Variants in DVL2 observed in about 807,000 individuals in gnomAD.
The protein encoded by DVL2 is dishevelled segment polarity protein 2.
In DVL2, 38 loss-of-function variants were observed where a neutral mutation model predicts 69.8. The ratio of observed to expected loss-of-function variants is 0.54; its 90% CI spans 0.42 to 0.71. DVL2 has a LOEUF of 0.71. Ranked by LOEUF, DVL2 falls within the 30% of genes least tolerant of loss-of-function variation. The pLI is 0.00. For synonymous variants in DVL2, 428 were observed against 392.4 expected (o/e 1.09, Z -1.07); for missense variants, 931 against 1,008.1 (o/e 0.92, Z 1.04).
intron 3 of DVL2, 58 bp from the exon 4 acceptor site, chr17:7,230,213 G>A: frequency 1.9e-6 from 3 of 1,610,838 alleles, no homozygotes; most frequent in Non-Finnish European, 1.7e-6. Context: ...CCGGATCCTA[G>A]GCGTCCCCTA....
Position 7,234,470 on chromosome 17 carries a change from CCGCCGCGCGCCACCGCCACCGA to C in DVL2, c.-230_-209del, listed in dbSNP as rs2071604640. 2 of 574,806 alleles carry C rather than the reference CCGCCGCGCGCCACCGCCACCGA, an allele frequency of 3.5e-6. No individual in the cohort carries two copies. Among genetic ancestry groups the C allele is most frequent in the East Asian group, 3.4e-5 (1 of 29,618 alleles). The allele number at this position is 574,806 out of a possible 1,614,324, so 35.6% of individuals were successfully genotyped here. On this transcript the variant is annotated 5_prime_UTR_variant, in exon 1 of 15. Transcript: ENST00000005340. ...CGACTCAAAGCCCCGGTCTCAGCGG[CCGCCGCGCGCCACCGCCACCGA>C]CGCCGCGAGCTTCCTCCAGGTACCC...
At chr17:7,230,184 A>G (rs757009028) in intron 3 of DVL2, 29 bp from the exon 4 acceptor site, 2 of 1,612,044 alleles carry the variant, frequency 1.2e-6, no homozygotes, top group Non-Finnish European at 1.7e-6. Flanking sequence ...TTTCCAACCC[A>G]CATCAGGAGA....
chr17:7,229,723 C>G lies in DVL2; in HGVS notation c.657-45G>C. 6.4e-7 allele frequency: 1 copy of G among 1,573,750 alleles called. No individual in the cohort carries two copies. On this transcript the variant is annotated intron_variant, in intron 5 of 14. Transcript: ENST00000005340. This position sits in a 1 kb window ranked among gnomAD's most constrained non-coding sequence, Gnocchi z 4.4. ...GAGAGCAAACGTAGGCCAAAGTGGT[C>G]ATGGGGCCAAGAGAAAGAACAAGAG...
At chr17:7,228,132 C>A in intron 9 of DVL2, 88 bp from the exon 10 acceptor site, 1 of 1,118,966 alleles carries the variant, frequency 8.9e-7, no homozygotes, top group East Asian at 2.4e-5. Flanking sequence ...GATTAAGAGA[C>A]ACAAAGAGGG....
rs774854172 is a variant in DVL2 at position 7,226,574 on chromosome 17, C to T, written c.1609G>A (p.Ala537Thr). Reference sequence around the variant, plus strand: ...CAGGGGGTGGCCCCAGGCAGAGGAGCCAGGGTATCCTGGTCTGAAGCCCCA... The same window carrying T: ...CAGGGGGTGGCCCCAGGCAGAGGAGTCAGGGTATCCTGGTCTGAAGCCCCA... ...SSGASDQDTL[A>T]PLPGATPWPL... Residue 537 changes from alanine (A) to threonine (T), a missense_variant, in exon 14 of 15, where the codon GCT (alanine) becomes ACT (threonine). Ala to Thr is a moderately conservative substitution (Grantham distance 58). Transcript: ENST00000005340. The T allele has an allele frequency of 1.2e-5, 19 of 1,606,406 alleles. No individual in the cohort carries two copies. The highest frequency in any genetic ancestry group is 1.6e-5 in the Non-Finnish European group (19 of 1,176,986).
rs574946873 is a variant in DVL2 at position 7,228,352 on chromosome 17, C to A, written c.1035-308G>T. 329 of 217,112 alleles carry A rather than the reference C, an allele frequency of 1.5e-3. 2 individuals are homozygous for A. The highest frequency in any genetic ancestry group is 7.1e-3 in the African/African-American group (308 of 43,400). 13.4% of individuals were successfully genotyped at this position (217,112 alleles called of 1,614,324 possible). On this transcript the variant is annotated intron_variant, in intron 9 of 14. Transcript: ENST00000005340. Reference sequence around the variant, plus strand: ...GATACGTGCAAGGGTGGTAACTATCCAGTGAGGCAAAGCTTTTCTTTGTTA... The same window carrying A: ...GATACGTGCAAGGGTGGTAACTATCAAGTGAGGCAAAGCTTTTCTTTGTTA...
chr17:7,227,206 C>T lies in DVL2; in HGVS notation c.1427G>A (p.Arg476His), dbSNP rs761974845. 8 of 1,611,026 alleles carry T rather than the reference C, an allele frequency of 5.0e-6. No individual in the cohort carries two copies. The highest frequency in any genetic ancestry group is 2.2e-5 in the East Asian group (1 of 44,888). Reference sequence around the variant, plus strand: ...TTTGAGCAGCCCGCTGGCATACTTGCGGGCCTCCCGCCGCTCAGGAAAGCC... The same window carrying T: ...TTTGAGCAGCCCGCTGGCATACTTGTGGGCCTCCCGCCGCTCAGGAAAGCC... ...VEGFPERREA[R>H]KYASGLLKAG... Residue 476 changes from arginine to histidine, a missense_variant, in exon 13 of 15, where the codon CGC (arginine) becomes CAC (histidine). This residue lies in a region of DVL2 where 62 missense variants were observed against 105.7 expected (regional missense o/e 0.59). Coordinates refer to ENST00000005340, the MANE Select transcript of DVL2 (RefSeq NM_004422.3).
At chr17:7,233,773 A>C (rs2071585665) in intron 1 of DVL2, among the ~76,000 whole-genome samples, 1 of 152,174 alleles carries the variant, frequency 6.6e-6, no homozygotes, top group Non-Finnish European at 1.5e-5. Flanking sequence ...ACAATGGATC[A>C]ATTTACTCAG....
At chr17:7,230,261 C>T (rs1230444077) in intron 3 of DVL2, 24 bp downstream of exon 3, 1 of 1,613,906 alleles carries the variant, frequency 6.2e-7, no homozygotes, top group Admixed American at 1.7e-5. Flanking sequence ...CCCTCCCCTG[C>T]AGTCAAGAAT....
chr17:7,229,260 G>T lies in DVL2; in HGVS notation c.832C>A (p.Leu278Met). The T allele has an allele frequency of 6.2e-7, 1 of 1,614,158 alleles. No individual in the cohort carries two copies. The highest frequency in any genetic ancestry group is 8.5e-7 in the Non-Finnish European group (1 of 1,180,010). The change falls in exon 8 of 15, where the codon CTG becomes ATG. Residue 278 changes from leucine to methionine, a missense_variant. Transcript: ENST00000005340. This position sits in a 1 kb window ranked among gnomAD's most constrained non-coding sequence, Gnocchi z 4.4. Reference protein sequence around the residue: ...VTLNMEKYNFLGISIVGQSNE... With the variant: ...VTLNMEKYNFMGISIVGQSNE... ...CTCTGGCCAACAATGGAGATACCCA[G>T]GAAGTTGTACTTCTCTGTGGAGAGA...
In DVL2 at chr17:7,234,448, C is replaced by T; in HGVS notation, c.-186G>A. ...GCGGGGGGCGGGCCGCGGGGTGCGA[C>T]TCAAAGCCCCGGTCTCAGCGGCCGC... On this transcript the variant is annotated 5_prime_UTR_variant, in exon 1 of 15. Transcript: ENST00000005340. The T allele has an allele frequency of 1.5e-6, 1 of 683,688 alleles. No homozygotes were observed. The highest frequency in any genetic ancestry group is 2.3e-6 in the Non-Finnish European group (1 of 436,206). The allele number at this position is 683,688 out of a possible 1,614,324, so 42.4% of individuals were successfully genotyped here. A position where few individuals can be genotyped will look rare whatever the true frequency, so the allele number is the denominator to read the frequency against.
In DVL2 at chr17:7,234,361, C is replaced by G. The variant is rs1032162873; in HGVS notation, c.-99G>C. On this transcript the variant is annotated 5_prime_UTR_variant, in exon 1 of 15. Transcript: ENST00000005340. ...CCGCAAACCGACGCGCGAGCGCGGA[C>G]AGGACTGACCCAGTACGGGAGAGAA... 1.4e-5 allele frequency: 19 copies of G among 1,355,586 alleles called. No individual in the cohort carries two copies. In the Admixed American group the frequency reaches 2.8e-4, roughly 20 times the overall value. The allele number at this position is 1,355,586 out of a possible 1,614,324, so 84.0% of individuals were successfully genotyped here.
chr17:7,227,848 T>C, intron 10 of DVL2, 65 bp from the exon 11 acceptor site: 1 of 1,556,982 alleles, frequency 6.4e-7, no homozygotes, highest in South Asian at 1.2e-5. Flanking sequence ...AGTCCCTCCC[T>C]GACTCAGCCT....
Position 7,230,748 on chromosome 17 carries a change from T to C in DVL2, c.244A>G (p.Asn82Asp). ...CTTACCCAGGATACCACCCTTCCGT[T>C]GAAGCAGGGGAGGCGGGCGTTGTCA... The part of the protein sequence containing the change: ...SDDNARLPCF[N>D]GRVVSWLVSS... Residue 82 changes from asparagine to aspartate, a missense_variant, in exon 2 of 15, where the codon AAC becomes GAC. This residue lies in a region of DVL2 where 555 missense variants were observed against 588.8 expected (regional missense o/e 0.94). Coordinates refer to ENST00000005340, the MANE Select transcript of DVL2 (RefSeq NM_004422.3). The C allele has an allele frequency of 6.2e-7, 1 of 1,613,334 alleles. No individual in the cohort carries two copies. The highest frequency in any genetic ancestry group is 8.5e-7 in the Non-Finnish European group (1 of 1,179,616).
chr17:7,231,338 C>T (rs923989712), intron 1 of DVL2, among the ~76,000 whole-genome samples: 3 of 150,074 alleles, frequency 2.0e-5, no homozygotes, highest in African/African-American at 7.3e-5. Flanking sequence ...TGGTGGGTGT[C>T]TATAATCCCA....
chr17:7,227,337 T>C, intron 12 of DVL2, 67 bp downstream of exon 12: 1 of 1,604,572 alleles, frequency 6.2e-7, no homozygotes, highest in Non-Finnish European at 8.5e-7. Flanking sequence ...CCTCTGCCTG[T>C]GCCATTCCTG....
Position 7,227,416 on chromosome 17 carries a change from T to C in DVL2, c.1351A>G (p.Asn451Asp), listed in dbSNP as rs756679382. 8 of 1,614,112 alleles carry C rather than the reference T, an allele frequency of 5.0e-6. No homozygotes were observed. Among genetic ancestry groups the C allele is most frequent in the Non-Finnish European group, 5.9e-6 (7 of 1,179,978 alleles). Reference protein sequence around the residue: ...DRMWLKITIPNAFLGSDVVDW... With the variant: ...DRMWLKITIPDAFLGSDVVDW... ...GACCCAGCCATACCCAGAAAGGCAT[T>C]AGGGATGGTGATCTTGAGCCACATG... The change falls in exon 12 of 15, where the codon AAT becomes GAT. Residue 451 changes from asparagine (N) to aspartate (D), a missense_variant. Coordinates refer to ENST00000005340, the MANE Select transcript of DVL2 (RefSeq NM_004422.3).
chr17:7,234,428 G>A lies in DVL2; in HGVS notation c.-166C>T, dbSNP rs2071603249. On this transcript the variant is annotated 5_prime_UTR_variant, in exon 1 of 15. Transcript: ENST00000005340. ...ACGGATCTGCGAGGGTGGCGGCGGG[G>A]GGCGGGCCGCGGGGTGCGACTCAAA... The A allele has an allele frequency of 4.9e-6, 4 of 813,178 alleles. No homozygotes were observed. The highest frequency in any genetic ancestry group is 7.2e-6 in the Non-Finnish European group (4 of 552,854). 50.4% of individuals were successfully genotyped at this position (813,178 alleles called of 1,614,324 possible).
rs191820480 is a variant in DVL2, at chr17:7,228,242, G to A, written c.1035-198C>T. On this transcript the variant is annotated intron_variant, in intron 9 of 14. Coordinates refer to ENST00000005340, the MANE Select transcript of DVL2 (RefSeq NM_004422.3). ...CATGGAAAACTCTTAAAAACATACT[G>A]CCAAGTGAGACAAGAGAGTACACGC... 4.2e-5 allele frequency: 22 copies of A among 528,716 alleles called. No homozygotes were observed. In the East Asian group the frequency reaches 4.3e-4, roughly 10 times the overall value. The allele number at this position is 528,716 out of a possible 1,614,324, so 32.8% of individuals were successfully genotyped here.
Sources: gnomAD v4.1 joint callset for allele counts (sites outside exome capture counted in the v4.1 genomes callset) on GRCh38, gnomAD v4.1.1 for gene constraint, gnomAD v4.1.1 regional missense constraint, Gnocchi (gnomAD v3.1) non-coding constraint, MANE v1.5 for transcripts, NCBI Gene and HGNC (gene_info 2026-07-23, HGNC 2026-07-21) for gene names.